The following TUSC3 variants were observed in gnomAD, a reference collection of about 807,000 sequenced individuals.
TUSC3 encodes the protein tumor suppressor candidate 3.
TUSC3 carries 45 observed loss-of-function variants against 44.8 expected under a neutral mutation model. The ratio of observed to expected loss-of-function variants is 1.00; its 90% CI spans 0.79 to 1.29. The LOEUF (loss-of-function observed/expected upper bound fraction) is 1.29. Among genes scored for constraint, TUSC3 ranks in the 50% most tolerant of loss-of-function variants. The probability of loss-of-function intolerance (pLI) is 0.00; values close to 1 mark genes in which losing one functional copy is unlikely to be tolerated. For synonymous variants in TUSC3, 212 were observed against 152.9 expected (o/e 1.39, Z -2.85); for missense variants, 519 against 437.9 (o/e 1.19, Z -1.65).
At chr8:15,552,382 G>A (rs757892811) in intron 1 of TUSC3, among the ~76,000 whole-genome samples, 9 of 151,598 alleles carry the variant, frequency 5.9e-5, no homozygotes, top group Non-Finnish European at 1.3e-4. Flanking sequence ...CCATTGTCCC[G>A]GATATATCCT....
At chr8:15,846,617 A>C in the TUSC3 span, among the ~76,000 whole-genome samples, 1,842 of 152,252 alleles carry the variant, frequency 0.012, 12 homozygotes, top group Non-Finnish European at 0.019. Flanking sequence ...ACAGAAAACC[A>C]AACACCACAC....
chr8:15,681,541 C>T (rs932142824), intron 6 of TUSC3, among the ~76,000 whole-genome samples: 3 of 133,618 alleles, frequency 2.2e-5, no homozygotes, highest in African/African-American at 8.4e-5. Flanking sequence ...TCCGATTGTG[C>T]TTATTTGGAT....
intron 6 of TUSC3, among the ~76,000 whole-genome samples, chr8:15,687,085 A>G (rs1808666926): frequency 6.6e-6 from 1 of 152,198 alleles, no homozygotes; most frequent in Non-Finnish European, 1.5e-5. Flanking sequence ...AAAAAACAAA[A>G]AACAAAAAAA....
the TUSC3 span, among the ~76,000 whole-genome samples, chr8:15,828,962 G>A: frequency 6.6e-6 from 1 of 152,068 alleles, no homozygotes; most frequent in Non-Finnish European, 1.5e-5. Context: ...TTCCTCTGTT[G>A]ACAAAAAACA....
At chr8:15,561,774 C>G (rs1044851873) in intron 1 of TUSC3, 1 of 99,610 alleles carries the variant, frequency 1.0e-5, no homozygotes, top group Non-Finnish European at 2.3e-5. Context: ...TTTCCAGGTG[C>G]CGTCCGTCAC....
chr8:15,447,475 A>T (rs919649215), intron 1 of TUSC3, among the ~76,000 whole-genome samples: 1 of 152,212 alleles, frequency 6.6e-6, no homozygotes, highest in Non-Finnish European at 1.5e-5. Flanking sequence ...AAAGTTTCCT[A>T]GGAAGAAATT....
chr8:15,690,354 GT>G (rs34032730), intron 6 of TUSC3, among the ~76,000 whole-genome samples: 19 of 145,924 alleles, frequency 1.3e-4, no homozygotes, highest in Middle Eastern at 3.6e-3. Flanking sequence ...TTTAAAGGGA[GT>G]TTTTTTTTTT....
intron 1 of TUSC3, among the ~76,000 whole-genome samples, chr8:15,423,565 G>A (rs1266968408): frequency 6.6e-6 from 1 of 152,132 alleles, no homozygotes; most frequent in Non-Finnish European, 1.5e-5. Context: ...CTTGTTAGCT[G>A]CCAGTTTGAT....
the TUSC3 span, among the ~76,000 whole-genome samples, chr8:15,782,060 A>G: frequency 1.1e-4 from 16 of 152,194 alleles, no homozygotes; most frequent in African/African-American, 2.4e-4. Flanking sequence ...GCTTGAACTC[A>G]GGAGGCAGAG....
At chr8:15,787,888 T>G in the TUSC3 span, among the ~76,000 whole-genome samples, 1 of 152,220 alleles carries the variant, frequency 6.6e-6, no homozygotes, top group Admixed American at 6.5e-5. Flanking sequence ...TATTAAGAAA[T>G]GTCATCATTT....
intron 1 of TUSC3, among the ~76,000 whole-genome samples, chr8:15,564,140 G>C (rs1802580304): frequency 6.6e-6 from 1 of 151,988 alleles, no homozygotes; most frequent in South Asian, 2.1e-4. Context: ...TATTAGTTTA[G>C]ATTTTTTTTC....
the TUSC3 span, chr8:15,806,391 G>T: frequency 5.4e-6 from 4 of 736,882 alleles, no homozygotes; most frequent in Admixed American, 1.8e-5. Flanking sequence ...CTCCTTCTTC[G>T]CTGCTTCTGG....
At chr8:15,543,613 A>G (rs1357756280) in intron 1 of TUSC3, among the ~76,000 whole-genome samples, 2 of 152,118 alleles carry the variant, frequency 1.3e-5, no homozygotes, top group Non-Finnish European at 2.9e-5. Flanking sequence ...TGTATATAAA[A>G]TGCTTAGTGC....
chr8:15,728,150 A>G (rs1180660351), intron 6 of TUSC3, among the ~76,000 whole-genome samples: 2 of 152,166 alleles, frequency 1.3e-5, no homozygotes, highest in Non-Finnish European at 2.9e-5. Flanking sequence ...GCATTACATG[A>G]TATGATGTTT....
chr8:15,490,130 C>T (rs1800788065), intron 2 of TUSC3, among the ~76,000 whole-genome samples: 1 of 152,116 alleles, frequency 6.6e-6, no homozygotes, highest in Admixed American at 6.6e-5. Context: ...GTTTTATTTA[C>T]TATTTTTTAC....
At chr8:15,421,946 C>T (rs1032755567) in intron 1 of TUSC3, among the ~76,000 whole-genome samples, 3 of 152,144 alleles carry the variant, frequency 2.0e-5, no homozygotes, top group African/African-American at 7.2e-5. Context: ...ATCACTGCCA[C>T]TGTCTTCTCT....
chr8:15,579,269 T>C (rs1803232750), intron 1 of TUSC3, among the ~76,000 whole-genome samples: 1 of 138,216 alleles, frequency 7.2e-6, no homozygotes, highest in Non-Finnish European at 1.6e-5. Context: ...AAAAACCAGC[T>C]CCTGGATTCA....
intron 5 of TUSC3, among the ~76,000 whole-genome samples, chr8:15,664,060 A>C (rs977553795): frequency 3.3e-5 from 5 of 151,858 alleles, no homozygotes; most frequent in Non-Finnish European, 7.4e-5. Context: ...TAAGCTAGTA[A>C]TAGTTGGCAT....
intron 2 of TUSC3, among the ~76,000 whole-genome samples, chr8:15,514,512 G>T (rs577612387): frequency 2.0e-5 from 3 of 152,110 alleles, no homozygotes; most frequent in African/African-American, 7.2e-5. Flanking sequence ...CTGAACTGTA[G>T]ACTTACCTTA....
Sources: gnomAD v4.1 joint callset for allele counts (sites outside exome capture counted in the v4.1 genomes callset) on GRCh38, gnomAD v4.1.1 for gene constraint, MANE v1.5 for transcripts, NCBI Gene and HGNC (gene_info 2026-07-23, HGNC 2026-07-21) for gene names.